GSE1: variants seen among roughly 807,000 people sequenced by gnomAD.
GSE1 encodes the protein Gse1 coiled-coil protein.
GSE1 carries 32 observed loss-of-function variants against 112.6 expected under a neutral mutation model. The ratio of observed to expected loss-of-function variants is 0.28; its 90% CI spans 0.21 to 0.38. The LOEUF is 0.38. Among genes scored for constraint, GSE1 ranks in the 10% least tolerant of loss-of-function variants. The pLI is 1.00. For synonymous variants in GSE1, 1,115 were observed against 735.6 expected (o/e 1.52, Z -8.35); for missense variants, 2,348 against 1,699.2 (o/e 1.38, Z -6.71).
intron 2 of GSE1, among the ~76,000 whole-genome samples, chr16:85,420,265 G>A (rs770960566): frequency 8.6e-5 from 13 of 152,028 alleles, no homozygotes; most frequent in East Asian, 1.9e-4. Flanking sequence ...TTGCCCTGTC[G>A]CCCAGGTTGT....
intron 1 of GSE1, among the ~76,000 whole-genome samples, chr16:85,237,291 C>G (rs1029626300): frequency 1.3e-5 from 2 of 152,060 alleles, no homozygotes; most frequent in Admixed American, 6.5e-5. Flanking sequence ...CCACTGCACT[C>G]CAGCCTGGGC....
chr16:85,494,985 C>A (rs1055619690), intron 2 of GSE1, among the ~76,000 whole-genome samples: 15 of 146,288 alleles, frequency 1.0e-4, no homozygotes, highest in African/African-American at 3.6e-4. Flanking sequence ...AGGTCAACCA[C>A]TGGGCACAGG....
chr16:85,202,852 T>C (rs2075052501), intron 1 of GSE1, among the ~76,000 whole-genome samples: 1 of 152,178 alleles, frequency 6.6e-6, no homozygotes, highest in Non-Finnish European at 1.5e-5. Context: ...GATTGGGCCT[T>C]GTCCTGCGCT....
At chr16:85,473,934 C>G (rs1041044863) in intron 2 of GSE1, among the ~76,000 whole-genome samples, 1 of 152,028 alleles carries the variant, frequency 6.6e-6, no homozygotes, top group South Asian at 2.1e-4. Flanking sequence ...TGGTCCAATG[C>G]CTGGGAGAGA....
At chr16:85,210,927 C>T (rs2075213758) in intron 1 of GSE1, among the ~76,000 whole-genome samples, 1 of 152,188 alleles carries the variant, frequency 6.6e-6, no homozygotes, top group African/African-American at 2.4e-5. Flanking sequence ...GGTTGCTTTG[C>T]CTCTCTGGGC....
At chr16:85,470,741 C>T (rs547153234) in intron 2 of GSE1, among the ~76,000 whole-genome samples, 78 of 152,300 alleles carry the variant, frequency 5.1e-4, no homozygotes, top group African/African-American at 1.8e-3. Flanking sequence ...CCGCCCCCTG[C>T]CCACTTCCCT....
intron 2 of GSE1, among the ~76,000 whole-genome samples, chr16:85,431,637 C>A (rs2049124149): frequency 6.6e-6 from 1 of 152,170 alleles, no homozygotes; most frequent in South Asian, 2.1e-4. Flanking sequence ...TTGGCCATGG[C>A]ACCTGCCTCC....
intron 2 of GSE1, among the ~76,000 whole-genome samples, chr16:85,530,343 T>G (rs1460575774): frequency 1.3e-5 from 2 of 152,216 alleles, no homozygotes; most frequent in African/African-American, 4.8e-5. Context: ...CGCGAATGTA[T>G]CTCCTCCCCG....
At position 85,671,070 on chromosome 16, in the gene GSE1, C is replaced by G; in HGVS notation, c.3491C>G (p.Thr1164Arg). 2 of 1,607,980 alleles carry G rather than the reference C, an allele frequency of 1.2e-6. No homozygotes were observed. Among genetic ancestry groups the G allele is most frequent in the Middle Eastern group, 1.7e-4 (1 of 6,040 alleles). The change falls in exon 15 of 16, where the codon ACG (threonine) becomes AGG (arginine). Residue 1164 changes from threonine (T) to arginine (R), a missense_variant. Thr to Arg is a moderately conservative substitution (Grantham distance 71, BLOSUM62 -1). Coordinates refer to ENST00000253458, the MANE Select transcript of GSE1 (RefSeq NM_014615.5). ...LEARHYSLSLTAEQLSHSVAE... is the reference protein window; with the variant it reads ...LEARHYSLSLRAEQLSHSVAE... ...GCCCGGCACTACAGCCTCAGCCTGACGGCAGAGCAGCTCTCCCACAGCGTG... is the reference window on the plus strand; with the variant it reads ...GCCCGGCACTACAGCCTCAGCCTGAGGGCAGAGCAGCTCTCCCACAGCGTG...
intron 1 of GSE1, among the ~76,000 whole-genome samples, chr16:85,559,103 C>T (rs2045391472): frequency 2.0e-5 from 3 of 152,184 alleles, no homozygotes; most frequent in Admixed American, 2.0e-4. Context: ...GGTGATCCAC[C>T]CACTTTGGGC....
rs72487998 is a variant in GSE1 at position 85,513,369 on chromosome 16, C to T, written c.2465-120545C>T. Among the ~76,000 whole-genome samples, 923 of 152,288 alleles carry T rather than the reference C, an allele frequency of 6.1e-3. 49 individuals are homozygous for T. In the East Asian group the frequency reaches 0.12, roughly 20 times the overall value. On this transcript the variant is annotated intron_variant, in intron 2 of 2. Coordinates refer to the GSE1 transcript ENST00000637419. ...GGGTGACCTAAGGCCACTGCCCTAC[C>T]GTCTCTGTGCCCCCATTTGCTCCTG... is the stretch of plus-strand genomic sequence containing the variant.
At chr16:85,431,963 C>G (rs1030105126) in intron 2 of GSE1, among the ~76,000 whole-genome samples, 1 of 152,238 alleles carries the variant, frequency 6.6e-6, no homozygotes, top group Non-Finnish European at 1.5e-5. Context: ...AGGGGCATCC[C>G]AGGCACAGCA....
At chr16:85,261,589 C>T (rs1907687495) in intron 1 of GSE1, among the ~76,000 whole-genome samples, 2 of 152,196 alleles carry the variant, frequency 1.3e-5, no homozygotes, top group African/African-American at 4.8e-5. Flanking sequence ...GGAGGGCTGC[C>T]CCGTGTGGTA....
At chr16:85,206,219 G>C (rs116845317) in intron 1 of GSE1, among the ~76,000 whole-genome samples, 7 of 152,174 alleles carry the variant, frequency 4.6e-5, no homozygotes. Context: ...AAAGGGCGCC[G>C]GGTGTGGTGG....
intron 2 of GSE1, among the ~76,000 whole-genome samples, chr16:85,452,580 G>A (rs2049716813): frequency 6.6e-6 from 1 of 152,246 alleles, no homozygotes; most frequent in Admixed American, 6.5e-5. Context: ...CTGGGGTGCT[G>A]CTGCATCTCA....
intron 1 of GSE1, among the ~76,000 whole-genome samples, chr16:85,254,922 G>A (rs1047624938): frequency 1.3e-5 from 2 of 152,198 alleles, no homozygotes; most frequent in African/African-American, 4.8e-5. Flanking sequence ...GGCCTGCTCT[G>A]CCCACCACAG....
intron 1 of GSE1, among the ~76,000 whole-genome samples, chr16:85,565,644 A>G (rs2045716106): frequency 6.6e-6 from 1 of 152,180 alleles, no homozygotes; most frequent in Non-Finnish European, 1.5e-5. Flanking sequence ...TGGAGTCTGC[A>G]TGTTCATGAG....
At chr16:85,237,967 C>T (rs574931273) in intron 1 of GSE1, among the ~76,000 whole-genome samples, 1 of 152,120 alleles carries the variant, frequency 6.6e-6, no homozygotes, top group Non-Finnish European at 1.5e-5. Context: ...TTGCTCATCA[C>T]TAGTTGAATG....
chr16:85,215,096 C>T (rs907082493), intron 1 of GSE1, among the ~76,000 whole-genome samples: 2 of 152,206 alleles, frequency 1.3e-5, no homozygotes, highest in African/African-American at 4.8e-5. Context: ...ACACAGGCTA[C>T]ACAGACATGG....
Sources: gnomAD v4.1 joint callset for allele counts (sites outside exome capture counted in the v4.1 genomes callset) on GRCh38, gnomAD v4.1.1 for gene constraint, MANE v1.5 for transcripts, NCBI Gene and HGNC (gene_info 2026-07-23, HGNC 2026-07-21) for gene names.